The following SQLE variants were observed in gnomAD, a reference collection of about 807,000 sequenced individuals.
SQLE encodes squalene monooxygenase.
Under a neutral mutation model 60.7 loss-of-function variants are expected in SQLE, and 29 were observed. The observed-to-expected ratio is 0.48, with a 90% confidence interval of 0.36 to 0.65. The LOEUF (loss-of-function observed/expected upper bound fraction) is 0.65. SQLE is among the 30% of genes least tolerant of loss of function. The pLI is 0.00. For missense variants in SQLE, 605 were observed against 684.1 expected (o/e 0.88, Z 1.29); for synonymous variants, 237 against 246.8 (o/e 0.96, Z 0.37).
chr8:125,018,848 A>G (rs1331588126), intron 9 of SQLE, 121 bp downstream of exon 9: 3 of 678,446 alleles, frequency 4.4e-6, no homozygotes, highest in African/African-American at 1.9e-5. Flanking sequence ...CTAACTCCCA[A>G]GTTGGTAGTT....
chr8:125,002,776 C>T (rs75463654), intron 1 of SQLE, among the ~76,000 whole-genome samples: 48 of 152,300 alleles, frequency 3.2e-4, no homozygotes, highest in Admixed American at 2.2e-3. Flanking sequence ...AAGTGATTTG[C>T]ATCTTGTCGA....
intron 1 of SQLE, among the ~76,000 whole-genome samples, chr8:125,002,570 G>A (rs568926724): frequency 3.4e-4 from 51 of 152,194 alleles, no homozygotes; most frequent in African/African-American, 1.2e-3. Context: ...CCAGCCACTC[G>A]GGAGGCTGAG....
chr8:125,012,218 CA>C (rs944188778), intron 7 of SQLE, among the ~76,000 whole-genome samples: 1 of 152,162 alleles, frequency 6.6e-6, no homozygotes, highest in Non-Finnish European at 1.5e-5. Context: ...TTTAATCTTA[CA>C]GACAATGGAA....
chr8:125,008,369 G>A (rs1273623491), intron 4 of SQLE, among the ~76,000 whole-genome samples: 3 of 152,068 alleles, frequency 2.0e-5, no homozygotes, highest in Admixed American at 6.5e-5. Flanking sequence ...GATTACAGGC[G>A]TGAGCCACCG....
Position 124,999,675 on chromosome 8 carries a change from A to T in SQLE, c.272A>T (p.Glu91Val). The change falls in exon 1 of 11, where the codon GAG becomes GTG. Residue 91 changes from glutamate (E) to valine (V), a missense_variant. Glu to Val is a moderately radical substitution (Grantham distance 121, BLOSUM62 -2). Coordinates refer to ENST00000265896, the MANE Select transcript of SQLE (RefSeq NM_003129.4). ...AKSPPESENK[E>V]QLEARRRRKG... is the part of the protein sequence containing the mutation. ...TCCCCCCCTGAATCAGAAAATAAGG[A>T]GCAGCTCGAGGCCAGGAGGGTAGGT... 6.2e-7 allele frequency: 1 copy of T among 1,602,304 alleles called. No homozygotes were observed. The highest frequency in any genetic ancestry group is 8.5e-7 in the Non-Finnish European group (1 of 1,173,094).
chr8:125,005,406 C>T (rs1487771068), intron 2 of SQLE, 119 bp from the exon 3 acceptor site: 1 of 859,376 alleles, frequency 1.2e-6, no homozygotes, highest in Non-Finnish European at 1.7e-6. Context: ...TAGTTTTGTT[C>T]AGTTCTCCAG....
At chr8:125,006,648 A>C (rs1814952990) in intron 3 of SQLE, among the ~76,000 whole-genome samples, 1 of 151,568 alleles carries the variant, frequency 6.6e-6, no homozygotes, top group African/African-American at 2.4e-5. Context: ...AAATGGAAAA[A>C]TAGTCCCAAA....
intron 7 of SQLE, 45 bp from the exon 8 acceptor site, chr8:125,018,014 T>C (rs758101904): frequency 6.3e-7 from 1 of 1,599,806 alleles, no homozygotes; most frequent in South Asian, 1.1e-5. Flanking sequence ...TTGTTTTGTC[T>C]CAAGGGATGC....
intron 3 of SQLE, 107 bp from the exon 4 acceptor site, chr8:125,007,284 C>T: frequency 1.5e-6 from 1 of 683,118 alleles, no homozygotes; most frequent in Non-Finnish European, 2.3e-6. Context: ...TGTTTGCACA[C>T]ACATGCATGT....
At chr8:125,005,344 T>TA (rs1375093941) in intron 2 of SQLE, among the ~76,000 whole-genome samples, 181 bp from the exon 3 acceptor site, 1 of 149,348 alleles carries the variant, frequency 6.7e-6, no homozygotes, top group African/African-American at 2.5e-5. Context: ...ACAGATTTGC[T>TA]AAGACTCTCA....
chr8:125,006,790 T>C (rs907318516), intron 3 of SQLE, among the ~76,000 whole-genome samples: 6 of 151,278 alleles, frequency 4.0e-5, no homozygotes, highest in Non-Finnish European at 8.9e-5. Flanking sequence ...CTGCAACCTC[T>C]GCCTCCCGAG....
intron 2 of SQLE, 82 bp from the exon 3 acceptor site, chr8:125,005,443 T>A: frequency 1.6e-6 from 2 of 1,216,220 alleles, no homozygotes; most frequent in African/African-American, 1.5e-5. Context: ...TCATTTTTGA[T>A]GTGTGTGTGT....
chr8:125,004,758 ATTG>A (rs1814920901), intron 2 of SQLE, among the ~76,000 whole-genome samples: 1 of 151,938 alleles, frequency 6.6e-6, no homozygotes, highest in South Asian at 2.1e-4. Flanking sequence ...TTCCCAAAGT[ATTG>A]TTTTAGTTTT....
chr8:125,007,252 T>TA, intron 3 of SQLE, 139 bp from the exon 4 acceptor site: 1 of 464,476 alleles, frequency 2.2e-6, no homozygotes. Flanking sequence ...AATTAGAAAA[T>TA]AAAAAACACA....
At chr8:125,001,926 C>G (rs1319977721) in intron 1 of SQLE, among the ~76,000 whole-genome samples, 1 of 152,048 alleles carries the variant, frequency 6.6e-6, no homozygotes. Flanking sequence ...ATCCATCTAC[C>G]AAGAAGAAAT....
chr8:125,009,363 G>T lies in SQLE; in HGVS notation c.1108+20G>T. 1 of 1,598,566 alleles carries T rather than the reference G, an allele frequency of 6.3e-7. No homozygotes were observed. ...TACCTGGTAAGAAATAGCATCTTCA[G>T]TTCTTACAAAGGCTGTGTCTAAAAT... On this transcript the variant is annotated intron_variant, in intron 6 of 10. Transcript: ENST00000265896.
chr8:125,019,142 T>G (rs182502629), intron 9 of SQLE: 21 of 171,806 alleles, frequency 1.2e-4, no homozygotes, highest in Admixed American at 2.6e-4. Flanking sequence ...GTTAATCTTG[T>G]CCCTGTTGAA....
intron 2 of SQLE, among the ~76,000 whole-genome samples, chr8:125,003,659 A>C (rs1018067462): frequency 2.0e-5 from 3 of 152,182 alleles, no homozygotes; most frequent in African/African-American, 7.2e-5. Context: ...TGGCCAAAAG[A>C]TTGTAATGGT....
rs775881300 is a variant in SQLE at position 125,018,717 on chromosome 8, T to C, written c.1434T>C (p.Ser478=). ...CTCAGGCTCTTTATGAATTATTTTC[T>C]GCCACAGATGGTAAGTGTAGACACT... ...ILAQALYELF[S]ATDDSLHQLR... The change falls in exon 9 of 11, where the codon TCT becomes TCC. Residue 478 remains serine (S), a synonymous_variant. Coordinates refer to ENST00000265896, the MANE Select transcript of SQLE (RefSeq NM_003129.4). 2 of 1,598,586 alleles carry C rather than the reference T, an allele frequency of 1.3e-6. No homozygotes were observed. The highest frequency in any genetic ancestry group is 1.8e-5 in the Admixed American group (1 of 56,650).
Sources: gnomAD v4.1 joint callset for allele counts (sites outside exome capture counted in the v4.1 genomes callset) on GRCh38, gnomAD v4.1.1 for gene constraint, MANE v1.5 for transcripts, NCBI Gene and HGNC (gene_info 2026-07-23, HGNC 2026-07-21) for gene names.